The following F13A1 variants were observed in gnomAD, a reference collection of about 807,000 sequenced individuals.
The protein encoded by F13A1 is coagulation factor XIII A chain, also known as FSF, A subunit.
A neutral mutation model predicts 80.1 loss-of-function variants in F13A1; 47 were observed. The ratio of observed to expected loss-of-function variants is 0.59; its 90% CI spans 0.46 to 0.75. The LOEUF is 0.75. Ranked by LOEUF, F13A1 falls within the 30% of genes least tolerant of loss-of-function variation. The probability of loss-of-function intolerance (pLI) is 0.00; values close to 1 mark genes in which losing one functional copy is unlikely to be tolerated. For missense variants in F13A1, 817 were observed against 930.4 expected (o/e 0.88, Z 1.59); for synonymous variants, 349 against 344.9 (o/e 1.01, Z -0.13).
intron 3 of F13A1, among the ~76,000 whole-genome samples, chr6:6,271,586 C>T (rs1014418191): frequency 1.3e-5 from 2 of 152,242 alleles, no homozygotes; most frequent in Admixed American, 6.5e-5. Flanking sequence ...GGAAAGACAG[C>T]ATCCAAGAAA....
At chr6:6,221,920 T>G in intron 8 of F13A1, 113 bp downstream of exon 8, 1 of 1,206,450 alleles carries the variant, frequency 8.3e-7, no homozygotes, top group South Asian at 1.3e-5. Context: ...CTGCCTGTGC[T>G]GTTGAATGGT....
chr6:6,281,807 C>G (rs912413678), intron 3 of F13A1, among the ~76,000 whole-genome samples: 1 of 151,836 alleles, frequency 6.6e-6, no homozygotes, highest in Admixed American at 6.6e-5. Context: ...TCCTGGCGAA[C>G]TTGGTGAAAC....
rs536817690 is a variant in F13A1, at chr6:6,250,134, C to T, written c.690+677G>A. Among the ~76,000 whole-genome samples, 5 of 152,256 alleles carry T rather than the reference C, an allele frequency of 3.3e-5. No individual in the cohort carries two copies. The East Asian group carries it at 7.7e-4, about 24-fold the overall frequency. On this transcript the variant is annotated intron_variant, in intron 5 of 14. Coordinates refer to ENST00000264870, the MANE Select transcript of F13A1 (RefSeq NM_000129.4). This position sits in a 1 kb window ranked among gnomAD's most constrained non-coding sequence, Gnocchi z 4.2. ...AAAACTCCTGAGAAATGACATTCGCCCCCGCTTGTGTCGCTAATTAAAAAT... is the reference window on the plus strand; with the variant it reads ...AAAACTCCTGAGAAATGACATTCGCTCCCGCTTGTGTCGCTAATTAAAAAT...
At chr6:6,173,210 A>G (rs1475576793) in intron 12 of F13A1, among the ~76,000 whole-genome samples, 1 of 152,030 alleles carries the variant, frequency 6.6e-6, no homozygotes, top group Non-Finnish European at 1.5e-5. Context: ...ATTTTTTGAG[A>G]TTGTAATCCC....
At chr6:6,184,521 G>A (rs539120366) in intron 10 of F13A1, among the ~76,000 whole-genome samples, 6 of 152,340 alleles carry the variant, frequency 3.9e-5, no homozygotes, top group African/African-American at 7.2e-5. Context: ...AGGAGAGGAC[G>A]CAGCAGATAC....
rs184275191 is a variant in F13A1, at chr6:6,169,262, G to A, written c.1748-1644C>T. Reference sequence around the variant, plus strand: ...GCAGACAGCCTGGGTTCCAGTGGAAGGGATGGCTTTCCAGTCCAGGTCTTT... The same window carrying A: ...GCAGACAGCCTGGGTTCCAGTGGAAAGGATGGCTTTCCAGTCCAGGTCTTT... On this transcript the variant is annotated intron_variant, in intron 12 of 14. Coordinates refer to ENST00000264870, the MANE Select transcript of F13A1 (RefSeq NM_000129.4). 1.2e-3 allele frequency: 188 copies of A among 152,514 alleles called. 2 individuals carry two copies. The South Asian group carries it at 0.016, about 13-fold the overall frequency. The allele number at this position is 152,514 out of a possible 1,614,324, so 9.4% of individuals were successfully genotyped here.
At chr6:6,202,451 G>A (rs1000529535) in intron 8 of F13A1, among the ~76,000 whole-genome samples, 1 of 152,216 alleles carries the variant, frequency 6.6e-6, no homozygotes, top group Admixed American at 6.5e-5. Context: ...CTCAGTAAGT[G>A]TTGGCTAAAT....
At chr6:6,294,834 G>C (rs1454860568) in intron 3 of F13A1, among the ~76,000 whole-genome samples, 1 of 150,276 alleles carries the variant, frequency 6.7e-6, no homozygotes, top group African/African-American at 2.5e-5. Context: ...ATGGTGGTGC[G>C]CTGCACCCAC....
Position 6,174,590 on chromosome 6 carries a change from C to T in F13A1, c.1737G>A (p.Glu579=). 1.2e-6 allele frequency: 2 copies of T among 1,614,152 alleles called. No homozygotes were observed. Among genetic ancestry groups the T allele is most frequent in the South Asian group, 2.2e-5 (2 of 91,078 alleles). Residue 579 remains glutamate (E), a synonymous_variant, in exon 12 of 15, where the codon GAG becomes GAA. Transcript: ENST00000264870. ...FKKETFDVTL[E]PLSFKKEAVL... Reference sequence around the variant, plus strand: ...CCATTGTTAGCTTACAGGACAAGGGCTCCAGCGTCACGTCGAACGTCTCCT... The same window carrying T: ...CCATTGTTAGCTTACAGGACAAGGGTTCCAGCGTCACGTCGAACGTCTCCT...
intron 6 of F13A1, among the ~76,000 whole-genome samples, chr6:6,228,974 C>G (rs1450691121): frequency 2.0e-5 from 3 of 152,062 alleles, no homozygotes; most frequent in Non-Finnish European, 2.9e-5. Context: ...AGAGCAGACC[C>G]TAAGCATGAT....
chr6:6,316,281 T>A (rs958849145), intron 2 of F13A1, among the ~76,000 whole-genome samples: 1 of 151,306 alleles, frequency 6.6e-6, no homozygotes, highest in South Asian at 2.1e-4. Flanking sequence ...CTGTAGCTTG[T>A]TATTAATAAT....
intron 13 of F13A1, among the ~76,000 whole-genome samples, chr6:6,153,716 C>G (rs1760423819): frequency 1.3e-5 from 2 of 152,116 alleles, no homozygotes; most frequent in African/African-American, 4.8e-5. Flanking sequence ...AATCCTCAGT[C>G]TGGTAATGGG....
At chr6:6,200,540 G>A (rs931247) in intron 8 of F13A1, among the ~76,000 whole-genome samples, 52,191 of 144,444 alleles carry the variant, frequency 0.36, 11,060 homozygotes, top group East Asian at 0.65. Context: ...GACAGAGTGA[G>A]ACCCTGTCTA....
chr6:6,293,778 AGAGAGAGGGAGGGAGG>A (rs1489350973), intron 3 of F13A1, among the ~76,000 whole-genome samples: 1 of 86,536 alleles, frequency 1.2e-5, no homozygotes, highest in Non-Finnish European at 2.0e-5. Flanking sequence ...AGGGAGTGAG[AGAGAGAGGGAGGGAGG>A]GAGGGAGGGA....
chr6:6,212,318 A>G (rs529322113), intron 8 of F13A1, among the ~76,000 whole-genome samples: 54 of 152,010 alleles, frequency 3.6e-4, no homozygotes, highest in African/African-American at 1.0e-3. Context: ...CTCCCAGCAC[A>G]CAGCTGGAGA....
At chr6:6,171,427 T>G (rs1760770694) in intron 12 of F13A1, among the ~76,000 whole-genome samples, 1 of 152,210 alleles carries the variant, frequency 6.6e-6, no homozygotes, top group South Asian at 2.1e-4. Flanking sequence ...CTCATTTGGC[T>G]TCCTCCATAC....
intron 6 of F13A1, among the ~76,000 whole-genome samples, chr6:6,230,753 G>C (rs984412779): frequency 3.3e-5 from 5 of 152,304 alleles, no homozygotes; most frequent in Middle Eastern, 3.4e-3. Flanking sequence ...CCCAGAGATG[G>C]CTCACATCAC....
chr6:6,236,392 C>A (rs567499072), intron 6 of F13A1, among the ~76,000 whole-genome samples: 147 of 152,068 alleles, frequency 9.7e-4, no homozygotes, highest in Non-Finnish European at 1.6e-3. Context: ...AAAATTATTT[C>A]TCCTGTATAA....
intron 12 of F13A1, among the ~76,000 whole-genome samples, chr6:6,167,982 C>T (rs576906254): frequency 6.6e-6 from 1 of 152,276 alleles, no homozygotes; most frequent in South Asian, 2.1e-4. Flanking sequence ...CAAAATGGAA[C>T]ATGTGGGGTG....
Sources: gnomAD v4.1 joint callset for allele counts (sites outside exome capture counted in the v4.1 genomes callset) on GRCh38, gnomAD v4.1.1 for gene constraint, Gnocchi (gnomAD v3.1) non-coding constraint, MANE v1.5 for transcripts, NCBI Gene and HGNC (gene_info 2026-07-23, HGNC 2026-07-21) for gene names.